Variants in TBC1D32 observed in about 807,000 individuals in gnomAD.
TBC1D32 encodes TBC1 domain family member 32, also known as protein broad-minded.
TBC1D32 carries 151 observed loss-of-function variants against 170.3 expected under a neutral mutation model. The observed-to-expected ratio is 0.89, with a 90% CI of 0.78 to 1.01. The LOEUF (loss-of-function observed/expected upper bound fraction) is 1.01. Among genes scored for constraint, TBC1D32 ranks in the 50% least tolerant of loss-of-function variants. The pLI, the probability that TBC1D32 is intolerant of heterozygous loss-of-function variation, is 0.00. For missense variants in TBC1D32, 1,464 were observed against 1,457.1 expected (o/e 1.00, Z -0.08); for synonymous variants, 498 against 488.0 (o/e 1.02, Z -0.27).
chr6:121,322,691 A>G (rs1809901810), intron 1 of TBC1D32, among the ~76,000 whole-genome samples: 1 of 152,226 alleles, frequency 6.6e-6, no homozygotes, highest in African/African-American at 2.4e-5. Flanking sequence ...CACTGTTGGT[A>G]GACTTGACAA....
At chr6:121,225,198 G>A (rs566535577) in intron 20 of TBC1D32, among the ~76,000 whole-genome samples, 15 of 151,930 alleles carry the variant, frequency 9.9e-5, no homozygotes, top group South Asian at 2.1e-4. Context: ...TCTAATCACC[G>A]GCTATTAACT....
At chr6:121,195,741 G>A (rs1481487448) in intron 22 of TBC1D32, among the ~76,000 whole-genome samples, 1 of 152,146 alleles carries the variant, frequency 6.6e-6, no homozygotes, top group Non-Finnish European at 1.5e-5. Context: ...CTAGGGCCTG[G>A]TTCACAGATG....
chr6:121,286,608 C>T (rs370722519), intron 12 of TBC1D32, among the ~76,000 whole-genome samples: 3 of 152,082 alleles, frequency 2.0e-5, no homozygotes, highest in East Asian at 1.9e-4. Flanking sequence ...ACTTCCCCAA[C>T]CTAGCAAGGC....
At position 121,177,293 on chromosome 6, in the gene TBC1D32, T is replaced by C. The variant is rs943278801; in HGVS notation, c.2571-16237A>G. Among the ~76,000 whole-genome samples the C allele has an allele frequency of 7.2e-5, 11 of 152,206 alleles. 1 individual carries two copies. The South Asian group carries it at 2.1e-3, about 29-fold the overall frequency. ...ATGATAGTGAGCGAGTTTCTCATGA[T>C]AGTGAATGAGTTCTCATGAGATCTG... is the stretch of plus-strand genomic sequence containing the variant. On this transcript the variant is annotated intron_variant, in intron 22 of 31. Coordinates refer to ENST00000398212, the MANE Select transcript of TBC1D32 (RefSeq NM_152730.6).
chr6:121,272,591 T>C lies in TBC1D32; in HGVS notation c.1733+6530A>G, dbSNP rs541529214. On this transcript the variant is annotated intron_variant, in intron 15 of 31. Transcript: ENST00000398212. ...CTCACACCAGTTAGAATGGCGATCATTAAAAAGTCAGGAAACAACAGGTGC... is the reference window on the plus strand; with the variant it reads ...CTCACACCAGTTAGAATGGCGATCACTAAAAAGTCAGGAAACAACAGGTGC... 1.9e-4 allele frequency among the ~76,000 whole-genome samples: 29 copies of C among 152,172 alleles called. 2 individuals are homozygous for C. In the South Asian group the frequency reaches 5.4e-3, roughly 28 times the overall value.
At chr6:121,288,842 G>A (rs1447578997) in intron 12 of TBC1D32, among the ~76,000 whole-genome samples, 1 of 152,018 alleles carries the variant, frequency 6.6e-6, no homozygotes, top group Admixed American at 6.6e-5. Context: ...TGCAAGGCTG[G>A]TTCAACATAC....
chr6:121,290,666 T>C (rs373267759), intron 12 of TBC1D32, among the ~76,000 whole-genome samples: 1 of 152,190 alleles, frequency 6.6e-6, no homozygotes, highest in Admixed American at 6.5e-5. Context: ...ACCCAAAGGA[T>C]TATAAATCAT....
At chr6:121,199,345 C>T (rs1054625232) in intron 22 of TBC1D32, among the ~76,000 whole-genome samples, 2 of 150,976 alleles carry the variant, frequency 1.3e-5, no homozygotes, top group Non-Finnish European at 2.9e-5. Flanking sequence ...ATTTTAAATA[C>T]TGAAGTAAAA....
Position 121,106,097 on chromosome 6 carries a change from T to C in TBC1D32, c.3391A>G (p.Ile1131Val), listed in dbSNP as rs1017804004. The C allele has an allele frequency of 6.2e-7, 1 of 1,608,014 alleles. No homozygotes were observed. Among genetic ancestry groups the C allele is most frequent in the African/African-American group, 1.3e-5 (1 of 74,788 alleles). Residue 1131 changes from isoleucine (I) to valine (V), a missense_variant, in exon 30 of 32, where the codon ATT becomes GTT. Ile to Val is a conservative substitution (Grantham distance 29, BLOSUM62 3). Around this residue, in one of 3 missense-constraint regions of TBC1D32, gnomAD observed 1,363 missense variants for 1,338.1 expected, o/e 1.02. Coordinates refer to ENST00000398212, the MANE Select transcript of TBC1D32 (RefSeq NM_152730.6). ...HPVYFCSTHYIEMLLKAELPL... is the reference protein window; with the variant it reads ...HPVYFCSTHYVEMLLKAELPL... The stretch of plus-strand genomic sequence containing the variant: ...AACTCAGCCTTCAGTAGCATTTCAA[T>C]ATAATGGGTGCTGCAAAAATATACT...
At position 121,223,369 on chromosome 6, in the gene TBC1D32, C is replaced by T. The variant is rs752525723; in HGVS notation, c.2365-17G>A. The T allele has an allele frequency of 1.3e-6, 2 of 1,504,738 alleles. No homozygotes were observed. The highest frequency in any genetic ancestry group is 1.4e-5 in the African/African-American group (1 of 71,544). The allele number at this position is 1,504,738 out of a possible 1,614,324, so 93.2% of individuals were successfully genotyped here. ...TAAAAAAGACTAGAGGGAAAGAAAACAGTCATTTAAATGATTCACTTTTGT... is the reference window on the plus strand; with the variant it reads ...TAAAAAAGACTAGAGGGAAAGAAAATAGTCATTTAAATGATTCACTTTTGT... On this transcript the variant is annotated splice_polypyrimidine_tract_variant and intron_variant, in intron 20 of 31. Coordinates refer to ENST00000398212, the MANE Select transcript of TBC1D32 (RefSeq NM_152730.6).
At chr6:121,258,865 A>C (rs1272922812) in intron 15 of TBC1D32, among the ~76,000 whole-genome samples, 6 of 152,112 alleles carry the variant, frequency 3.9e-5, no homozygotes, top group African/African-American at 1.4e-4. Context: ...GTCTTCCATT[A>C]ATATAAATAA....
At chr6:121,241,326 C>A in intron 19 of TBC1D32, 139 bp downstream of exon 19, 1 of 692,886 alleles carries the variant, frequency 1.4e-6, no homozygotes. Flanking sequence ...CTGTAACTTT[C>A]TTTTACATAA....
At chr6:121,218,451 G>T (rs535654993) in intron 21 of TBC1D32, among the ~76,000 whole-genome samples, 5 of 152,152 alleles carry the variant, frequency 3.3e-5, no homozygotes, top group Non-Finnish European at 7.4e-5. Context: ...ATTGAAGGAT[G>T]CAAAGTTTTG....
chr6:121,112,809 T>A (rs1424544736), intron 28 of TBC1D32, 150 bp from the exon 29 acceptor site: 1 of 774,536 alleles, frequency 1.3e-6, no homozygotes, highest in Non-Finnish European at 1.9e-6. Context: ...CTTAGACATG[T>A]CTGAAAATAC....
At chr6:121,332,401 A>G (rs1356419585) in intron 1 of TBC1D32, among the ~76,000 whole-genome samples, 1 of 152,168 alleles carries the variant, frequency 6.6e-6, no homozygotes, top group African/African-American at 2.4e-5. Context: ...AGGCTAATAA[A>G]CTTCTAGCAT....
At chr6:121,159,463 C>T (rs756393248) in intron 24 of TBC1D32, among the ~76,000 whole-genome samples, 1 of 152,034 alleles carries the variant, frequency 6.6e-6, no homozygotes, top group South Asian at 2.1e-4. Context: ...AGCTTAGCAA[C>T]AAGAAATAAG....
At chr6:121,240,836 T>C (rs1212664706) in intron 19 of TBC1D32, among the ~76,000 whole-genome samples, 3 of 148,046 alleles carry the variant, frequency 2.0e-5, no homozygotes, top group Non-Finnish European at 4.5e-5. Context: ...GACTATGCCA[T>C]TGTACTCCAG....
At chr6:121,125,221 T>A (rs1207558738) in intron 26 of TBC1D32, among the ~76,000 whole-genome samples, 1 of 152,188 alleles carries the variant, frequency 6.6e-6, no homozygotes, top group East Asian at 1.9e-4. Context: ...AGCCTGCGAC[T>A]ATTGTACCCA....
At chr6:121,226,337 T>A (rs1255879818) in intron 20 of TBC1D32, among the ~76,000 whole-genome samples, 43 of 152,226 alleles carry the variant, frequency 2.8e-4, no homozygotes, top group Admixed American at 1.8e-3. Context: ...ATGACACTCT[T>A]CAGCAATGTA....
Sources: allele counts gnomAD v4.1 joint callset (sites outside exome capture counted in the v4.1 genomes callset), GRCh38; gene constraint gnomAD v4.1.1; regional missense constraint gnomAD v4.1.1; transcripts MANE v1.5; gene names NCBI Gene and HGNC (gene_info 2026-07-23, HGNC 2026-07-21).